Variants in SMAD2 observed in about 807,000 individuals in gnomAD.
The protein encoded by SMAD2 is MAD homolog 2.
A neutral mutation model predicts 64.4 loss-of-function variants in SMAD2; 8 were observed. That is an observed-to-expected ratio of 0.12 (90% CI 0.07 to 0.22). SMAD2 has a LOEUF of 0.22. Among genes scored for constraint, SMAD2 ranks in the 10% least tolerant of loss-of-function variants. The pLI is 1.00. For missense variants in SMAD2, 289 were observed against 561.2 expected (o/e 0.51, Z 4.90); for synonymous variants, 203 against 195.8 (o/e 1.04, Z -0.31).
intron 2 of SMAD2, 62 bp from the exon 3 acceptor site, chr18:47,870,626 C>T (rs2031873535): frequency 1.9e-6 from 2 of 1,028,428 alleles, no homozygotes; most frequent in Non-Finnish European, 3.1e-6. Flanking sequence ...ATTCAAAATA[C>T]CATGATGTAA....
Position 47,810,365 on chromosome 18 carries a change from T to G in SMAD2, c.*31462A>C, listed in dbSNP as rs966071440. The G allele has an allele frequency of 6.6e-6, 1 of 152,434 alleles. No homozygotes were observed. Among genetic ancestry groups the G allele is most frequent in the African/African-American group, 2.4e-5 (1 of 41,380 alleles). The allele number at this position is 152,434 out of a possible 1,614,324, so 9.4% of individuals were successfully genotyped here. A position where few individuals can be genotyped will look rare whatever the true frequency, so the allele number is the denominator to read the frequency against. ...CCCACTGCACACTCACCATCCCCAC[T>G]GTGCCTCTGCTCAGGTTATGCTGTC... On this transcript the variant is annotated 3_prime_UTR_variant, in exon 11 of 11. Coordinates refer to ENST00000262160, the MANE Select transcript of SMAD2 (RefSeq NM_005901.6).
chr18:47,889,499 C>T (rs2033080992), intron 2 of SMAD2, among the ~76,000 whole-genome samples: 4 of 152,002 alleles, frequency 2.6e-5, no homozygotes, highest in South Asian at 4.2e-4. Context: ...CAGTCGGGCG[C>T]GGTGGCTCAC....
chr18:47,863,911 C>T (rs1318885611), intron 6 of SMAD2, among the ~76,000 whole-genome samples: 1 of 151,998 alleles, frequency 6.6e-6, no homozygotes, highest in Non-Finnish European at 1.5e-5. Context: ...ATGAGGACTC[C>T]AATTTCTCCA....
intron 2 of SMAD2, among the ~76,000 whole-genome samples, chr18:47,875,917 T>C (rs944925043): frequency 6.6e-6 from 1 of 152,066 alleles, no homozygotes; most frequent in Non-Finnish European, 1.5e-5. Context: ...TATAACTGAG[T>C]ATAAATTTGT....
Position 47,820,148 on chromosome 18 carries a change from A to T in SMAD2, c.*21679T>A, listed in dbSNP as rs1912520349. 1 of 152,182 alleles carries T rather than the reference A, an allele frequency of 6.6e-6. No individual in the cohort carries two copies. Among genetic ancestry groups the T allele is most frequent in the Non-Finnish European group, 1.5e-5 (1 of 68,026 alleles). The allele number at this position is 152,182 out of a possible 1,614,324, so 9.4% of individuals were successfully genotyped here. On this transcript the variant is annotated 3_prime_UTR_variant, in exon 11 of 11. Transcript: ENST00000262160. Reference sequence around the variant, plus strand: ...AAAACAATAAACTGCTGAAAATATTAGTTTGTTCTTGGCTTCCTAAATTAT... The same window carrying T: ...AAAACAATAAACTGCTGAAAATATTTGTTTGTTCTTGGCTTCCTAAATTAT...
chr18:47,874,575 G>GTTTT (rs2032150240), intron 2 of SMAD2, among the ~76,000 whole-genome samples: 1 of 152,016 alleles, frequency 6.6e-6, no homozygotes, highest in Non-Finnish European at 1.5e-5. Flanking sequence ...GCAAAGAAAA[G>GTTTT]TAAAAACCAA....
intron 1 of SMAD2, among the ~76,000 whole-genome samples, chr18:47,929,206 A>C (rs1000890086): frequency 2.6e-5 from 4 of 152,228 alleles, no homozygotes; most frequent in Non-Finnish European, 4.4e-5. Flanking sequence ...TTGAAACTCC[A>C]TTTAACTATT....
At position 47,868,330 on chromosome 18, in the gene SMAD2, A is replaced by G. The variant is rs556991560; in HGVS notation, c.648T>C (p.Tyr216=). 1.1e-4 allele frequency: 181 copies of G among 1,613,268 alleles called. 2 individuals carry two copies. In the South Asian group the frequency reaches 1.9e-3, roughly 17 times the overall value. ...FPAGIEPQSN[Y]IPETPPPGYI... ...TTCAGAAGGCAAAAATACCTGGAAT[A>G]TAATTACTCTGTGGCTCAATTCCTG... Residue 216 remains tyrosine (Y), a synonymous_variant, in exon 5 of 11, where the codon TAT becomes TAC. Coordinates refer to ENST00000262160, the MANE Select transcript of SMAD2 (RefSeq NM_005901.6).
intron 2 of SMAD2, among the ~76,000 whole-genome samples, chr18:47,890,669 A>G (rs1427858369): frequency 3.3e-5 from 5 of 152,230 alleles, no homozygotes; most frequent in East Asian, 3.9e-4. Flanking sequence ...ACATTCATCA[A>G]TACTAAAGAA....
chr18:47,897,682 A>T (rs2033502360), intron 1 of SMAD2, among the ~76,000 whole-genome samples: 1 of 152,016 alleles, frequency 6.6e-6, no homozygotes, highest in Non-Finnish European at 1.5e-5. Flanking sequence ...ATTCCTTATC[A>T]GTTCACACAG....
chr18:47,910,724 T>C (rs1464971336), intron 1 of SMAD2, among the ~76,000 whole-genome samples: 1 of 152,184 alleles, frequency 6.6e-6, no homozygotes, highest in Admixed American at 6.5e-5. Context: ...TTCCTTATGA[T>C]TTTCTTAGTA....
intron 10 of SMAD2, among the ~76,000 whole-genome samples, chr18:47,842,564 G>T (rs906704980): frequency 6.6e-6 from 1 of 152,000 alleles, no homozygotes; most frequent in African/African-American, 2.4e-5. Flanking sequence ...AAAAAATCAG[G>T]CCAAAAGGAG....
intron 2 of SMAD2, among the ~76,000 whole-genome samples, chr18:47,884,437 A>C (rs528893149): frequency 6.6e-6 from 1 of 152,280 alleles, no homozygotes; most frequent in Admixed American, 6.5e-5. Flanking sequence ...CCACATTTTT[A>C]ATTATTAACA....
intron 1 of SMAD2, among the ~76,000 whole-genome samples, chr18:47,906,423 G>T (rs1352391140): frequency 3.3e-5 from 5 of 152,004 alleles, no homozygotes; most frequent in African/African-American, 9.7e-5. Flanking sequence ...AACAGGAAAA[G>T]AATAATAGAC....
intron 1 of SMAD2, among the ~76,000 whole-genome samples, chr18:47,910,834 A>C (rs1011441407): frequency 2.6e-5 from 4 of 152,194 alleles, no homozygotes; most frequent in Non-Finnish European, 5.9e-5. Flanking sequence ...CTTCCAGTCA[A>C]CAGTAGGTCG....
Position 47,837,134 on chromosome 18 carries a change from T to C in SMAD2, c.*4693A>G, listed in dbSNP as rs1266320644. 1 of 202,400 alleles carries C rather than the reference T, an allele frequency of 4.9e-6. No individual in the cohort carries two copies. The highest frequency in any genetic ancestry group is 6.0e-5 in the Admixed American group (1 of 16,674). The allele number at this position is 202,400 out of a possible 1,614,324, so 12.5% of individuals were successfully genotyped here. ...TTTACTGAACAGAATTTTTGAGCCA[T>C]TTGTAAAATTAAAATGATTGATCAA... is the stretch of plus-strand genomic sequence containing the variant. On this transcript the variant is annotated 3_prime_UTR_variant, in exon 11 of 11. Transcript: ENST00000262160.
intron 2 of SMAD2, among the ~76,000 whole-genome samples, chr18:47,882,680 T>C (rs914357610): frequency 1.8e-4 from 27 of 152,228 alleles, no homozygotes; most frequent in Admixed American, 2.6e-4. Context: ...TCTGAGTTTA[T>C]TGTCTATAAG....
chr18:47,841,627 GT>G lies in SMAD2; in HGVS notation c.*199del, dbSNP rs1286299909. 2 of 612,602 alleles carry G rather than the reference GT, an allele frequency of 3.3e-6. No individual in the cohort carries two copies. The highest frequency in any genetic ancestry group is 3.7e-5 in the African/African-American group (2 of 54,318). The allele number at this position is 612,602 out of a possible 1,614,324, so 37.9% of individuals were successfully genotyped here. A position where few individuals can be genotyped will look rare whatever the true frequency, so the allele number is the denominator to read the frequency against. ...TCTTCTCTTCCTCTTTAATGGGAGA[GT>G]ATTTCTAGACACTAATTTTCCCATC... On this transcript the variant is annotated 3_prime_UTR_variant, in exon 11 of 11. Transcript: ENST00000262160.
intron 8 of SMAD2, 32 bp from the exon 9 acceptor site, chr18:47,845,832 T>A (rs2144291349): frequency 6.3e-7 from 1 of 1,596,742 alleles, no homozygotes; most frequent in African/African-American, 1.3e-5. Context: ...ATTAGTTTTG[T>A]AACATTTACT....
Sources: gnomAD v4.1 joint callset for allele counts (sites outside exome capture counted in the v4.1 genomes callset) on GRCh38, gnomAD v4.1.1 for gene constraint, MANE v1.5 for transcripts, NCBI Gene and HGNC (gene_info 2026-07-23, HGNC 2026-07-21) for gene names.